Variants in DSCAML1 observed in about 807,000 individuals in gnomAD.
DSCAML1 encodes DS cell adhesion molecule like 1, also known as cell adhesion molecule DSCAML1.
DSCAML1 carries 38 observed loss-of-function variants against 200.5 expected under a neutral mutation model. That is an observed-to-expected ratio of 0.19 (90% confidence interval 0.15 to 0.25). The LOEUF is 0.25. Ranked by LOEUF, DSCAML1 falls within the 10% of genes least tolerant of loss-of-function variation. The pLI is 1.00. For missense variants in DSCAML1, 2,223 were observed against 2,858.8 expected (o/e 0.78, Z 5.07); for synonymous variants, 1,215 against 1,165.0 (o/e 1.04, Z -0.87).
chr11:117,610,330 T>G (rs533256012), intron 3 of DSCAML1, among the ~76,000 whole-genome samples: 1 of 152,280 alleles, frequency 6.6e-6, no homozygotes, highest in African/African-American at 2.4e-5. Flanking sequence ...CTACCCCCAC[T>G]GCCCCATTGC....
chr11:117,610,561 G>C (rs1050635261), intron 3 of DSCAML1, among the ~76,000 whole-genome samples: 2 of 152,020 alleles, frequency 1.3e-5, no homozygotes, highest in African/African-American at 2.4e-5. Context: ...TGGGGAGGAA[G>C]AGGTAATGGA....
At position 117,722,696 on chromosome 11, in the gene DSCAML1, CAGAT is replaced by C. The variant is rs535914891; in HGVS notation, c.511+54091_511+54094del. Among the ~76,000 whole-genome samples, 623 of 152,184 alleles carry C rather than the reference CAGAT, an allele frequency of 4.1e-3. 3 individuals carry two copies. The highest frequency in any genetic ancestry group is 0.014 in the African/African-American group (601 of 41,522). ...AAAGAAAAACGAAACAATAAATAAACAGATAGAAGCATGGAGCCTGGAGTTCAGG... is the reference window on the plus strand; with the variant it reads ...AAAGAAAAACGAAACAATAAATAAACAGAAGCATGGAGCCTGGAGTTCAGG... On this transcript the variant is annotated intron_variant, in intron 3 of 32. Coordinates refer to ENST00000651296, the MANE Select transcript of DSCAML1 (RefSeq NM_020693.4).
chr11:117,654,832 T>G (rs548712201), intron 3 of DSCAML1, among the ~76,000 whole-genome samples: 1 of 151,586 alleles, frequency 6.6e-6, no homozygotes, highest in African/African-American at 2.4e-5. Context: ...ACTGAGCGGG[T>G]GGAGGAAACG....
chr11:117,608,737 A>G (rs2051625255), intron 3 of DSCAML1, among the ~76,000 whole-genome samples: 2 of 152,372 alleles, frequency 1.3e-5, no homozygotes, highest in South Asian at 4.1e-4. Flanking sequence ...TCATAGAAAT[A>G]AAGTTATCAG....
intron 4 of DSCAML1, among the ~76,000 whole-genome samples, chr11:117,530,037 C>T (rs1314384894): frequency 6.6e-6 from 1 of 152,164 alleles, no homozygotes; most frequent in Non-Finnish European, 1.5e-5. Flanking sequence ...TCCCTCCGTT[C>T]TGCCTTTCCT....
intron 3 of DSCAML1, among the ~76,000 whole-genome samples, chr11:117,752,038 CTG>C (rs372303288): frequency 0.01 from 1,575 of 150,024 alleles, 27 homozygotes; most frequent in African/African-American, 0.036. Flanking sequence ...AACCTCAGCT[CTG>C]TGTGTGTGTG....
At chr11:117,542,403 A>G (rs770384748) in intron 3 of DSCAML1, among the ~76,000 whole-genome samples, 1 of 152,234 alleles carries the variant, frequency 6.6e-6, no homozygotes, top group African/African-American at 2.4e-5. Flanking sequence ...AGGAAAGAGA[A>G]GCCCTGGACT....
Position 117,518,901 on chromosome 11 carries a change from G to A in DSCAML1, c.1214-139C>T. On this transcript the variant is annotated intron_variant, in intron 6 of 32. Coordinates refer to ENST00000651296, the MANE Select transcript of DSCAML1 (RefSeq NM_020693.4). The surrounding 1 kb of genome is among the most constrained non-coding windows in gnomAD (Gnocchi z 6.3). The stretch of plus-strand genomic sequence containing the variant: ...AACTTTTGTGTACATCAATTCTTCT[G>A]CTATCCGCAACCCCAAGTGGTGCCA... The A allele has an allele frequency of 3.2e-6, 3 of 951,058 alleles. No individual in the cohort carries two copies. Among genetic ancestry groups the A allele is most frequent in the Non-Finnish European group, 4.6e-6 (3 of 656,412 alleles). The allele number at this position is 951,058 out of a possible 1,614,324, so 58.9% of individuals were successfully genotyped here. A position where few individuals can be genotyped will look rare whatever the true frequency, so the allele number is the denominator to read the frequency against.
chr11:117,581,118 G>A (rs575607852), intron 3 of DSCAML1, among the ~76,000 whole-genome samples: 5 of 152,234 alleles, frequency 3.3e-5, no homozygotes, highest in African/African-American at 1.2e-4. Context: ...CCTTTGAGGA[G>A]CACTGTGGCC....
intron 21 of DSCAML1, among the ~76,000 whole-genome samples, chr11:117,440,920 CAAAAAAAAAAAAA>C (rs1170541792): frequency 9.7e-5 from 4 of 41,094 alleles, no homozygotes; most frequent in Admixed American, 3.4e-4. Context: ...GACTCTGTCT[CAAAAAAAAAAAAA>C]AAAAAAAAAA....
chr11:117,513,345 CA>C, intron 8 of DSCAML1, among the ~76,000 whole-genome samples: 1 of 152,162 alleles, frequency 6.6e-6, no homozygotes, highest in Non-Finnish European at 1.5e-5. Flanking sequence ...TCCCTCGCAA[CA>C]GCAGGGAAAT....
Position 117,437,517 on chromosome 11 carries a change from C to T in DSCAML1, c.4433-108G>A. ...CCTGGGGCAGCTGGGATGGCAGTGGCTCCAGGAGAATACATGTTTGGCACA... is the reference window on the plus strand; with the variant it reads ...CCTGGGGCAGCTGGGATGGCAGTGGTTCCAGGAGAATACATGTTTGGCACA... On this transcript the variant is annotated intron_variant, in intron 25 of 32. Coordinates refer to ENST00000651296, the MANE Select transcript of DSCAML1 (RefSeq NM_020693.4). This position sits in a 1 kb window ranked among gnomAD's most constrained non-coding sequence, Gnocchi z 5.3. 1 of 1,341,342 alleles carries T rather than the reference C, an allele frequency of 7.5e-7. No individual in the cohort carries two copies. The highest frequency in any genetic ancestry group is 1.0e-6 in the Non-Finnish European group (1 of 972,540). The allele number at this position is 1,341,342 out of a possible 1,614,324, so 83.1% of individuals were successfully genotyped here.
chr11:117,588,519 G>T (rs951488635), intron 3 of DSCAML1, among the ~76,000 whole-genome samples: 3 of 152,188 alleles, frequency 2.0e-5, no homozygotes, highest in African/African-American at 4.8e-5. Flanking sequence ...GCATTGAGGG[G>T]TGTGAAGCGT....
chr11:117,783,000 G>A (rs2055290637), intron 1 of DSCAML1, among the ~76,000 whole-genome samples: 1 of 152,126 alleles, frequency 6.6e-6, no homozygotes, highest in Non-Finnish European at 1.5e-5. Context: ...TATGACCACA[G>A]TGTAACCACT....
At chr11:117,725,480 C>A (rs1423891093) in intron 3 of DSCAML1, among the ~76,000 whole-genome samples, 1 of 152,208 alleles carries the variant, frequency 6.6e-6, no homozygotes. Context: ...GCTCTGCAAT[C>A]CCCCTCTCCT....
At chr11:117,675,957 T>G (rs1310966591) in intron 3 of DSCAML1, among the ~76,000 whole-genome samples, 1 of 152,144 alleles carries the variant, frequency 6.6e-6, no homozygotes, top group Non-Finnish European at 1.5e-5. Flanking sequence ...GCTGGCTTTT[T>G]ATGAGTTGGG....
intron 3 of DSCAML1, among the ~76,000 whole-genome samples, chr11:117,674,802 C>A (rs1025685513): frequency 6.6e-6 from 1 of 152,100 alleles, no homozygotes; most frequent in Non-Finnish European, 1.5e-5. Context: ...CTGCTGCTAC[C>A]AGCTGGGTGA....
intron 3 of DSCAML1, among the ~76,000 whole-genome samples, chr11:117,695,315 C>A (rs374648747): frequency 2.6e-5 from 3 of 116,720 alleles, no homozygotes; most frequent in South Asian, 3.0e-4. Context: ...CTTTCTTTTT[C>A]TTTTTTTTTT....
At chr11:117,599,553 C>G (rs2051426344) in intron 3 of DSCAML1, among the ~76,000 whole-genome samples, 1 of 152,208 alleles carries the variant, frequency 6.6e-6, no homozygotes, top group Non-Finnish European at 1.5e-5. Flanking sequence ...TCTGAGCCCT[C>G]TCTGCTCAGC....
Sources: allele counts gnomAD v4.1 joint callset (sites outside exome capture counted in the v4.1 genomes callset), GRCh38; gene constraint gnomAD v4.1.1; non-coding constraint Gnocchi (gnomAD v3.1); transcripts MANE v1.5; gene names NCBI Gene and HGNC (gene_info 2026-07-23, HGNC 2026-07-21).